GPR183: variants seen among roughly 807,000 people sequenced by gnomAD.
GPR183 encodes the protein G protein-coupled receptor 183, also known as EBV-induced G-protein coupled receptor 2.
GPR183 carries 9 observed loss-of-function variants against 19.7 expected under a neutral mutation model. The observed-to-expected ratio is 0.46, with a 90% CI of 0.28 to 0.80. The LOEUF is 0.80. Ranked by LOEUF, GPR183 falls within the 30% of genes least tolerant of loss-of-function variation. GPR183 has a pLI of 0.13. For synonymous variants in GPR183, 160 were observed against 155.1 expected, an observed-to-expected ratio of 1.03 and a Z score of -0.24; for missense variants, 368 against 446.7, an observed-to-expected ratio of 0.82 and a Z score of 1.59.
intron 1 of GPR183, among the ~76,000 whole-genome samples, chr13:99,305,240 CA>C (rs780599760): frequency 6.6e-6 from 1 of 152,052 alleles, no homozygotes; most frequent in African/African-American, 2.4e-5. Flanking sequence ...TTTGGGCTTC[CA>C]AAACACCACA....
intron 1 of GPR183, among the ~76,000 whole-genome samples, chr13:99,302,172 A>G (rs757468937): frequency 1.3e-5 from 2 of 152,228 alleles, no homozygotes; most frequent in Non-Finnish European, 2.9e-5. Context: ...AGCCACCCAG[A>G]TGCAGCCACA....
In GPR183 at chr13:99,294,879, A is replaced by G. The variant is rs1352132873; in HGVS notation, c.*181T>C. ...TTTATTTGCATTTTTATTGTGCTTT[A>G]TGTTGTTTGCTTTATGTTGTTCTCT... is the stretch of plus-strand genomic sequence containing the variant. On this transcript the variant is annotated 3_prime_UTR_variant, in exon 2 of 2. Transcript: ENST00000376414. The G allele has an allele frequency of 1.6e-5, 9 of 551,140 alleles. No homozygotes were observed. Among genetic ancestry groups the G allele is most frequent in the African/African-American group, 1.3e-4 (7 of 52,192 alleles). 34.1% of individuals were successfully genotyped at this position (551,140 alleles called of 1,614,324 possible). A position where few individuals can be genotyped will look rare whatever the true frequency, so the allele number is the denominator to read the frequency against.
At chr13:99,305,698 TCATTAC>T (rs2044322762) in intron 1 of GPR183, among the ~76,000 whole-genome samples, 1 of 152,202 alleles carries the variant, frequency 6.6e-6, no homozygotes, top group East Asian at 1.9e-4. Flanking sequence ...ATGCAAGGGA[TCATTAC>T]CATTGTCACT....
At chr13:99,305,810 A>G (rs2138744257) in intron 1 of GPR183, among the ~76,000 whole-genome samples, 1 of 152,288 alleles carries the variant, frequency 6.6e-6, no homozygotes, top group Admixed American at 6.5e-5. Flanking sequence ...CAGAGAGAAA[A>G]CATGCTAAAA....
chr13:99,305,644 G>T (rs540180800), intron 1 of GPR183, among the ~76,000 whole-genome samples: 47 of 152,082 alleles, frequency 3.1e-4, no homozygotes, highest in Admixed American at 1.8e-3. Flanking sequence ...TAACTGACTG[G>T]TCATGGTACT....
In GPR183 at chr13:99,295,205, C is replaced by G; in HGVS notation, c.941G>C (p.Gly314Ala). 1 of 1,614,074 alleles carries G rather than the reference C, an allele frequency of 6.2e-7. No homozygotes were observed. The highest frequency in any genetic ancestry group is 8.5e-7 in the Non-Finnish European group (1 of 1,179,998). Residue 314 changes from glycine (G) to alanine (A), a missense_variant, in exon 2 of 2, where the codon GGG (glycine) becomes GCG (alanine). Coordinates refer to ENST00000376414, the MANE Select transcript of GPR183 (RefSeq NM_004951.5). The surrounding 1 kb of genome is among the most constrained non-coding windows in gnomAD (Gnocchi z 4.1). Reference protein sequence around the residue: ...DPFIYFFACKGYKRKVMRMLK... With the variant: ...DPFIYFFACKAYKRKVMRMLK... ...CATCCTCATAACCTTTCTCTTATAC[C>G]CTTTACATGCAAAGAAGTAGATAAA...
chr13:99,298,902 C>A (rs1332857430), intron 1 of GPR183, among the ~76,000 whole-genome samples: 2 of 152,006 alleles, frequency 1.3e-5, no homozygotes, highest in Admixed American at 6.6e-5. Flanking sequence ...TTTCTAAGTT[C>A]TTTGAAAATG....
At chr13:99,301,368 A>G (rs1024424632) in intron 1 of GPR183, among the ~76,000 whole-genome samples, 1 of 152,242 alleles carries the variant, frequency 6.6e-6, no homozygotes. Context: ...TTGGTAAACA[A>G]AGGAGACAAT....
At position 99,307,392 on chromosome 13, in the gene GPR183, A is replaced by G. The variant is rs191373302; in HGVS notation, c.-71T>C. 1 of 152,202 alleles carries G rather than the reference A, an allele frequency of 6.6e-6. No homozygotes were observed. The highest frequency in any genetic ancestry group is 1.9e-4 in the East Asian group (1 of 5,180). 9.4% of individuals were successfully genotyped at this position (152,202 alleles called of 1,614,324 possible). ...GTAGTAGCTGTGAGTAGTTGTCCAAACTGAAGTAAGTTTTAACTGTGGCAT... is the reference window on the plus strand; with the variant it reads ...GTAGTAGCTGTGAGTAGTTGTCCAAGCTGAAGTAAGTTTTAACTGTGGCAT... On this transcript the variant is annotated 5_prime_UTR_variant, in exon 1 of 2. Coordinates refer to ENST00000376414, the MANE Select transcript of GPR183 (RefSeq NM_004951.5).
intron 1 of GPR183, among the ~76,000 whole-genome samples, chr13:99,297,060 C>T (rs1420168711): frequency 6.6e-6 from 1 of 152,162 alleles, no homozygotes; most frequent in East Asian, 1.9e-4. Context: ...ATTCTACAGT[C>T]TTCCAATGTG....
At chr13:99,298,509 T>C (rs1396179638) in intron 1 of GPR183, among the ~76,000 whole-genome samples, 1 of 152,152 alleles carries the variant, frequency 6.6e-6, no homozygotes. Flanking sequence ...GAGATAGATA[T>C]AAAGCCTTGA....
At chr13:99,304,658 G>GC (rs773150538) in intron 1 of GPR183, among the ~76,000 whole-genome samples, 4 of 152,128 alleles carry the variant, frequency 2.6e-5, no homozygotes, top group Non-Finnish European at 5.9e-5. Flanking sequence ...TCCAGGCACT[G>GC]CCCTGGGCAC....
Position 99,296,010 on chromosome 13 carries a change from G to T in GPR183, c.136C>A (p.Leu46Ile). ...ACCAAGGCTAGTAAGTTTCCCACGA[G>T]CCCAATGATGAAGACGAGGCTGTAA... ...LHYSLVFIIG[L>I]VGNLLALVVI... Residue 46 changes from leucine to isoleucine, a missense_variant, in exon 2 of 2, where the codon CTC (leucine) becomes ATC (isoleucine). Coordinates refer to ENST00000376414, the MANE Select transcript of GPR183 (RefSeq NM_004951.5). 1 of 1,614,076 alleles carries T rather than the reference G, an allele frequency of 6.2e-7. No homozygotes were observed. Among genetic ancestry groups the T allele is most frequent in the Non-Finnish European group, 8.5e-7 (1 of 1,179,998 alleles).
chr13:99,301,267 C>T (rs1175478136), intron 1 of GPR183, among the ~76,000 whole-genome samples: 7 of 152,232 alleles, frequency 4.6e-5, no homozygotes, highest in Non-Finnish European at 1.0e-4. Context: ...CAGGTTCCAC[C>T]TGTGGAACAG....
intron 1 of GPR183, among the ~76,000 whole-genome samples, chr13:99,302,151 ACAGC>A (rs952721347): frequency 5.9e-5 from 9 of 152,180 alleles, no homozygotes; most frequent in African/African-American, 2.2e-4. Flanking sequence ...ACTTTCAAAA[ACAGC>A]CAGGGGAGCC....
At chr13:99,306,093 A>G (rs1413136458) in intron 1 of GPR183, among the ~76,000 whole-genome samples, 1 of 152,028 alleles carries the variant, frequency 6.6e-6, no homozygotes, top group Non-Finnish European at 1.5e-5. Context: ...ATGGGGTTTC[A>G]CCATGTTGGC....
In GPR183 at chr13:99,294,767, AT is replaced by A. The variant is rs1246960020; in HGVS notation, c.*292del. ...TTTGTTGGCAAGAAATAATAATTAA[AT>A]TTTTTATTAAAACAAAACTTTTTAC... is the stretch of plus-strand genomic sequence containing the variant. On this transcript the variant is annotated 3_prime_UTR_variant, in exon 2 of 2. Coordinates refer to ENST00000376414, the MANE Select transcript of GPR183 (RefSeq NM_004951.5). 2 of 227,462 alleles carry A rather than the reference AT, an allele frequency of 8.8e-6. No individual in the cohort carries two copies. The highest frequency in any genetic ancestry group is 1.7e-5 in the Non-Finnish European group (2 of 116,396). 14.1% of individuals were successfully genotyped at this position (227,462 alleles called of 1,614,324 possible). A position where few individuals can be genotyped will look rare whatever the true frequency, so the allele number is the denominator to read the frequency against.
At chr13:99,300,372 C>T (rs2138729409) in intron 1 of GPR183, among the ~76,000 whole-genome samples, 1 of 152,344 alleles carries the variant, frequency 6.6e-6, no homozygotes, top group South Asian at 2.1e-4. Context: ...AAGGATGATT[C>T]CGCTAGCTGG....
rs2044165762 is a variant in GPR183, at chr13:99,296,005, C to T, written c.141G>A (p.Val47=). 6.2e-7 allele frequency: 1 copy of T among 1,613,908 alleles called. No homozygotes were observed. The highest frequency in any genetic ancestry group is 8.5e-7 in the Non-Finnish European group (1 of 1,179,996). The change falls in exon 2 of 2, where the codon GTG becomes GTA. Residue 47 remains valine (V), a synonymous_variant. Coordinates refer to ENST00000376414, the MANE Select transcript of GPR183 (RefSeq NM_004951.5). The part of the protein sequence containing the change: ...HYSLVFIIGL[V]GNLLALVVIV... ...TGACGACCAAGGCTAGTAAGTTTCCCACGAGCCCAATGATGAAGACGAGGC... is the reference window on the plus strand; with the variant it reads ...TGACGACCAAGGCTAGTAAGTTTCCTACGAGCCCAATGATGAAGACGAGGC...
Sources: gnomAD v4.1 joint callset for allele counts (sites outside exome capture counted in the v4.1 genomes callset) on GRCh38, gnomAD v4.1.1 for gene constraint, Gnocchi (gnomAD v3.1) non-coding constraint, MANE v1.5 for transcripts, NCBI Gene and HGNC (gene_info 2026-07-23, HGNC 2026-07-21) for gene names.